Variants in TGFA observed in about 807,000 individuals in gnomAD.
TGFA encodes the protein transforming growth factor alpha.
In TGFA, 12 loss-of-function variants were observed where a neutral mutation model predicts 21.7. The ratio of observed to expected loss-of-function variants is 0.55; its 90% CI spans 0.35 to 0.90. The LOEUF is 0.90. Ranked by LOEUF, TGFA falls within the 40% of genes least tolerant of loss-of-function variation. The pLI, the probability that TGFA is intolerant of heterozygous loss-of-function variation, is 0.01. For synonymous variants in TGFA, 79 were observed against 88.1 expected (o/e 0.90, Z 0.58); for missense variants, 178 against 210.8 (o/e 0.84, Z 0.96).
intron 2 of TGFA, among the ~76,000 whole-genome samples, chr2:70,483,624 C>A (rs1433104103): frequency 6.6e-6 from 1 of 152,118 alleles, no homozygotes; most frequent in Non-Finnish European, 1.5e-5. Flanking sequence ...TTGCACTAAC[C>A]TTTTCTACCT....
intron 1 of TGFA, among the ~76,000 whole-genome samples, chr2:70,525,648 G>A (rs1672610712): frequency 6.6e-6 from 1 of 152,170 alleles, no homozygotes; most frequent in Non-Finnish European, 1.5e-5. Flanking sequence ...TAGTAGGGGA[G>A]AAAGGCCTGG....
rs1340495497 is a variant in TGFA at position 70,448,308 on chromosome 2, A to T, written c.*2551T>A. ...TCCATAAGAGTATTGGAGGCCTTTT[A>T]AAAAATGTTTGTTATTTTTTTAAAT... On this transcript the variant is annotated 3_prime_UTR_variant, in exon 6 of 6. Coordinates refer to ENST00000295400, the MANE Select transcript of TGFA (RefSeq NM_003236.4). 2.0e-5 allele frequency: 3 copies of T among 152,192 alleles called. No homozygotes were observed. Among genetic ancestry groups the T allele is most frequent in the African/African-American group, 7.2e-5 (3 of 41,440 alleles). The allele number at this position is 152,192 out of a possible 1,614,324, so 9.4% of individuals were successfully genotyped here. A position where few individuals can be genotyped will look rare whatever the true frequency, so the allele number is the denominator to read the frequency against.
At chr2:70,510,671 G>T (rs898242093) in intron 2 of TGFA, among the ~76,000 whole-genome samples, 1 of 152,164 alleles carries the variant, frequency 6.6e-6, no homozygotes, top group African/African-American at 2.4e-5. Context: ...CACTCAAATT[G>T]TCTGAGAAGC....
At chr2:70,511,041 A>G (rs1672083192) in intron 2 of TGFA, among the ~76,000 whole-genome samples, 1 of 152,214 alleles carries the variant, frequency 6.6e-6, no homozygotes, top group East Asian at 1.9e-4. Flanking sequence ...TTTTGAGCCC[A>G]TTTAACACCT....
chr2:70,521,413 A>G (rs1272360170), intron 1 of TGFA, among the ~76,000 whole-genome samples: 1 of 152,048 alleles, frequency 6.6e-6, no homozygotes, highest in Non-Finnish European at 1.5e-5. Context: ...CCAACTTCTT[A>G]TGGCTGCTGA....
At chr2:70,465,135 G>A (rs1553491972) in intron 3 of TGFA, among the ~76,000 whole-genome samples, 2 of 152,138 alleles carry the variant, frequency 1.3e-5, no homozygotes, top group African/African-American at 2.4e-5. Flanking sequence ...GTCGCTTCTG[G>A]TTCTGTTACC....
intron 1 of TGFA, among the ~76,000 whole-genome samples, chr2:70,546,635 C>T (rs1227644288): frequency 4.6e-5 from 7 of 151,458 alleles, no homozygotes; most frequent in East Asian, 3.9e-4. Flanking sequence ...TACCACACCC[C>T]GCTAATTTTT....
chr2:70,465,697 T>C lies in TGFA; in HGVS notation c.134A>G (p.Asn45Ser), dbSNP rs782112864. ...CTGAGTGTGGGAATCTGGGCAGTCA[T>C]TAAAATGGGACACCACTGCTGCAGC... The part of the protein sequence containing the change: ...PVAAAVVSHF[N>S]DCPDSHTQFC... The change falls in exon 3 of 6, where the codon AAT (asparagine) becomes AGT (serine). Residue 45 changes from asparagine to serine, a missense_variant. Physicochemically the swap from Asn to Ser is conservative, Grantham distance 46 (BLOSUM62 1). Transcript: ENST00000295400. The C allele has an allele frequency of 6.2e-7, 1 of 1,614,086 alleles. No homozygotes were observed. Among genetic ancestry groups the C allele is most frequent in the South Asian group, 1.1e-5 (1 of 91,074 alleles).
chr2:70,541,807 C>T (rs1673139282), intron 1 of TGFA, among the ~76,000 whole-genome samples: 1 of 152,154 alleles, frequency 6.6e-6, no homozygotes, highest in African/African-American at 2.4e-5. Context: ...GCTCAGGCCC[C>T]AGGCTTGCTT....
At chr2:70,514,370 C>T (rs1672198963) in intron 2 of TGFA, among the ~76,000 whole-genome samples, 1 of 151,702 alleles carries the variant, frequency 6.6e-6, no homozygotes, top group African/African-American at 2.4e-5. Context: ...ATGTCCCAAG[C>T]TCTCCACTAT....
At chr2:70,509,747 C>T (rs1672035677) in intron 2 of TGFA, among the ~76,000 whole-genome samples, 1 of 152,156 alleles carries the variant, frequency 6.6e-6, no homozygotes, top group Non-Finnish European at 1.5e-5. Flanking sequence ...GTAATGCCCT[C>T]ACCACACCCC....
At chr2:70,467,571 C>G (rs939281723) in intron 2 of TGFA, 1 of 152,186 alleles carries the variant, frequency 6.6e-6, no homozygotes. Flanking sequence ...ACAGCTCCAT[C>G]GATATAGTCT....
At chr2:70,529,263 C>T (rs1218327451) in intron 1 of TGFA, among the ~76,000 whole-genome samples, 2 of 152,156 alleles carry the variant, frequency 1.3e-5, no homozygotes, top group Admixed American at 6.5e-5. Context: ...CAGGCAGTTC[C>T]GCAGAGACAT....
chr2:70,503,135 T>C (rs1280883972), intron 2 of TGFA, among the ~76,000 whole-genome samples: 1 of 152,158 alleles, frequency 6.6e-6, no homozygotes, highest in Admixed American at 6.5e-5. Flanking sequence ...GTATGTTTAT[T>C]GCAGCACTAT....
intron 2 of TGFA, among the ~76,000 whole-genome samples, chr2:70,482,086 A>AC (rs1671140905): frequency 6.6e-6 from 1 of 151,100 alleles, no homozygotes; most frequent in African/African-American, 2.4e-5. Flanking sequence ...AAGTCTGCAA[A>AC]CCTCTCACCT....
chr2:70,530,847 A>G (rs2103902944), intron 1 of TGFA, among the ~76,000 whole-genome samples: 1 of 152,352 alleles, frequency 6.6e-6, no homozygotes, highest in East Asian at 1.9e-4. Context: ...GCCTGGTACC[A>G]GAGCACGTGC....
intron 2 of TGFA, among the ~76,000 whole-genome samples, chr2:70,513,381 A>G (rs1672165334): frequency 1.3e-5 from 2 of 152,186 alleles, no homozygotes; most frequent in African/African-American, 4.8e-5. Context: ...ATATGTTCAT[A>G]TCTGAGTCCT....
intron 4 of TGFA, 43 bp from the exon 5 acceptor site, chr2:70,453,370 G>T: frequency 6.3e-7 from 1 of 1,576,346 alleles, no homozygotes. Context: ...GAGCCTGGTA[G>T]GAGGGCCAGG....
intron 1 of TGFA, among the ~76,000 whole-genome samples, chr2:70,518,368 C>G (rs1553501870): frequency 6.6e-6 from 1 of 152,198 alleles, no homozygotes; most frequent in African/African-American, 2.4e-5. Flanking sequence ...AAAGGCTGAT[C>G]CTGTGTCCCT....
Sources: gnomAD v4.1 joint callset for allele counts (sites outside exome capture counted in the v4.1 genomes callset) on GRCh38, gnomAD v4.1.1 for gene constraint, MANE v1.5 for transcripts, NCBI Gene and HGNC (gene_info 2026-07-23, HGNC 2026-07-21) for gene names.